The following ZNF385D variants were observed in gnomAD, a reference collection of about 807,000 sequenced individuals.
ZNF385D encodes the protein zinc finger protein 385D.
ZNF385D carries 15 observed loss-of-function variants against 35.8 expected under a neutral mutation model. The ratio of observed to expected loss-of-function variants is 0.42; its 90% CI spans 0.28 to 0.64. ZNF385D has a LOEUF of 0.64. Among genes scored for constraint, ZNF385D ranks in the 30% least tolerant of loss-of-function variants. ZNF385D has a pLI of 0.23. For synonymous variants in ZNF385D, 212 were observed against 186.8 expected (o/e 1.13, Z -1.10); for missense variants, 474 against 494.6 (o/e 0.96, Z 0.39).
chr3:21,619,691 C>T (rs1482651291), intron 2 of ZNF385D, among the ~76,000 whole-genome samples: 4 of 152,116 alleles, frequency 2.6e-5, no homozygotes, highest in African/African-American at 9.7e-5. Context: ...TCTGCAGCAG[C>T]TTTTGTTTTC....
intron 2 of ZNF385D, among the ~76,000 whole-genome samples, chr3:22,369,545 T>G (rs1696806090): frequency 6.6e-6 from 1 of 152,158 alleles, no homozygotes; most frequent in South Asian, 2.1e-4. Context: ...TAAGATATCA[T>G]GCAAATACAA....
rs551923974 is a variant in ZNF385D, at chr3:21,892,203, A to T, written c.326-227175T>A. Among the ~76,000 whole-genome samples, 8 of 152,314 alleles carry T rather than the reference A, an allele frequency of 5.3e-5. No individual in the cohort carries two copies. The East Asian group carries it at 1.5e-3, about 29-fold the overall frequency. On this transcript the variant is annotated intron_variant, in intron 3 of 5. Coordinates refer to the ZNF385D transcript ENST00000494108. ...AATCTTATTTTTATAATTGAGATGG[A>T]AAAATTTGAATATATAGAATTTAGG...
intron 2 of ZNF385D, among the ~76,000 whole-genome samples, chr3:22,281,331 C>T (rs551140533): frequency 2.8e-4 from 42 of 152,186 alleles, no homozygotes; most frequent in African/African-American, 9.6e-4. Context: ...AAAGGGAATG[C>T]TCTCAACTTT....
chr3:21,983,195 G>T, intron 3 of ZNF385D, among the ~76,000 whole-genome samples: 2 of 144,688 alleles, frequency 1.4e-5, no homozygotes, highest in African/African-American at 2.5e-5. Context: ...TTAAGTTTTA[G>T]GGTACATGTG....
At chr3:21,452,563 A>T (rs1244989291) in intron 4 of ZNF385D, among the ~76,000 whole-genome samples, 1 of 152,042 alleles carries the variant, frequency 6.6e-6, no homozygotes, top group Non-Finnish European at 1.5e-5. Flanking sequence ...TAATTTCTAT[A>T]CACTAGCAAT....
intron 2 of ZNF385D, among the ~76,000 whole-genome samples, chr3:22,333,789 G>A (rs1432376810): frequency 6.6e-6 from 1 of 152,094 alleles, no homozygotes; most frequent in Non-Finnish European, 1.5e-5. Context: ...CTCTGAGTTG[G>A]TGCAGACACC....
chr3:21,486,420 C>G (rs1705032515), intron 4 of ZNF385D, among the ~76,000 whole-genome samples: 1 of 152,078 alleles, frequency 6.6e-6, no homozygotes, highest in East Asian at 1.9e-4. Context: ...AGGCTCACAT[C>G]AGTCATATCA....
intron 2 of ZNF385D, among the ~76,000 whole-genome samples, chr3:22,203,890 C>A (rs1048950508): frequency 1.3e-5 from 2 of 152,118 alleles, no homozygotes; most frequent in African/African-American, 4.8e-5. Context: ...ATCTCTGGAC[C>A]TGCCTGGGGC....
chr3:21,584,059 C>T (rs1322514503), intron 2 of ZNF385D, among the ~76,000 whole-genome samples: 5 of 151,756 alleles, frequency 3.3e-5, no homozygotes, highest in Non-Finnish European at 7.4e-5. Flanking sequence ...CTGCAACCTC[C>T]ACCTCCCGGG....
At chr3:22,259,844 A>G (rs1172276290) in intron 2 of ZNF385D, among the ~76,000 whole-genome samples, 1 of 151,744 alleles carries the variant, frequency 6.6e-6, no homozygotes, top group Non-Finnish European at 1.5e-5. Flanking sequence ...GGAAAAAAAA[A>G]AACTAATACA....
At chr3:22,179,523 C>T (rs565029569) in intron 2 of ZNF385D, among the ~76,000 whole-genome samples, 9 of 152,356 alleles carry the variant, frequency 5.9e-5, no homozygotes, top group African/African-American at 1.9e-4. Context: ...ACAATCATGT[C>T]ATCTGCAAAC....
At chr3:21,616,980 G>T (rs955774218) in intron 2 of ZNF385D, among the ~76,000 whole-genome samples, 1 of 152,030 alleles carries the variant, frequency 6.6e-6, no homozygotes, top group East Asian at 1.9e-4. Flanking sequence ...AAGTCAGAAG[G>T]TACCCTGTCT....
Position 22,239,144 on chromosome 3 carries a change from G to A in ZNF385D, c.107-70109C>T, listed in dbSNP as rs1029247496. Among the ~76,000 whole-genome samples the A allele has an allele frequency of 1.3e-5, 2 of 150,970 alleles. 1 individual carries two copies. Among genetic ancestry groups the A allele is most frequent in the African/African-American group, 4.9e-5 (2 of 40,794 alleles). On this transcript the variant is annotated intron_variant, in intron 2 of 5. Transcript: ENST00000494108. ...CAAAAATATATGATAACACGAAATG[G>A]TTTTAAACTAAGTTCTGCTTTTTTC...
At chr3:22,224,380 G>C (rs1254874930) in intron 2 of ZNF385D, among the ~76,000 whole-genome samples, 2 of 152,046 alleles carry the variant, frequency 1.3e-5, no homozygotes, top group Non-Finnish European at 2.9e-5. Flanking sequence ...AAATATCTGA[G>C]TTCAAATATC....
intron 1 of ZNF385D, among the ~76,000 whole-genome samples, chr3:21,678,907 G>A (rs2066812348): frequency 6.6e-6 from 1 of 152,008 alleles, no homozygotes. Context: ...CTCCTTATAA[G>A]CGAAGATAAG....
At chr3:22,130,984 C>A (rs1310999157) in intron 3 of ZNF385D, among the ~76,000 whole-genome samples, 1 of 151,504 alleles carries the variant, frequency 6.6e-6, no homozygotes, top group South Asian at 2.1e-4. Context: ...AAGACAGATC[C>A]AGGCTAAAAA....
At chr3:21,591,837 G>A (rs2063985212) in intron 2 of ZNF385D, among the ~76,000 whole-genome samples, 1 of 152,036 alleles carries the variant, frequency 6.6e-6, no homozygotes, top group Admixed American at 6.6e-5. Context: ...TCTAGCCTAG[G>A]AACCTTTGTC....
intron 2 of ZNF385D, among the ~76,000 whole-genome samples, chr3:22,216,705 A>G (rs924385516): frequency 6.6e-6 from 1 of 152,136 alleles, no homozygotes; most frequent in Non-Finnish European, 1.5e-5. Flanking sequence ...GCAGCTTACC[A>G]ATATACCTCA....
rs558991396 is a variant in ZNF385D, at chr3:21,668,759, A to C, written c.23-3731T>G. On this transcript the variant is annotated intron_variant, in intron 1 of 7. Transcript: ENST00000281523. ...TATTTGCAAATAGTGCAAAATCAAA[A>C]CCGGCAAATATAATATGTTTCATCT... Among the ~76,000 whole-genome samples, 141 of 152,174 alleles carry C rather than the reference A, an allele frequency of 9.3e-4. 1 individual carries two copies. Among genetic ancestry groups the C allele is most frequent in the Non-Finnish European group, 1.7e-3 (115 of 68,042 alleles).
Sources: allele counts gnomAD v4.1 joint callset (sites outside exome capture counted in the v4.1 genomes callset), GRCh38; gene constraint gnomAD v4.1.1; transcripts MANE v1.5; gene names NCBI Gene and HGNC (gene_info 2026-07-23, HGNC 2026-07-21).